RNF213: variants seen among roughly 807,000 people sequenced by gnomAD.
RNF213 encodes E3 ubiquitin-protein ligase RNF213.
Under a neutral mutation model 514.4 loss-of-function variants are expected in RNF213, and 341 were observed. The ratio of observed to expected loss-of-function variants is 0.66; its 90% CI spans 0.61 to 0.73. The LOEUF is 0.73. RNF213 is among the 30% of genes least tolerant of loss of function. The pLI, the probability that RNF213 is intolerant of heterozygous loss-of-function variation, is 0.00. For missense variants in RNF213, 5,767 were observed against 6,615.6 expected (o/e 0.87, Z 4.45); for synonymous variants, 2,655 against 2,658.2 (o/e 1.00, Z 0.04).
chr17:80,305,820 G>A (rs966554197), intron 11 of RNF213, among the ~76,000 whole-genome samples: 13 of 151,522 alleles, frequency 8.6e-5, no homozygotes, highest in African/African-American at 2.7e-4. Flanking sequence ...CAGTTTCACC[G>A]TGTTGGCCAG....
At chr17:80,369,991 G>A (rs989080719) in intron 46 of RNF213, 124 bp downstream of exon 46, 1 of 747,942 alleles carries the variant, frequency 1.3e-6, no homozygotes, top group African/African-American at 1.7e-5. Context: ...AGCTTTTTCG[G>A]TGAGACACAG....
chr17:80,261,428 G>A (rs897802919), intron 1 of RNF213, among the ~76,000 whole-genome samples: 1 of 152,318 alleles, frequency 6.6e-6, no homozygotes, highest in East Asian at 1.9e-4. Context: ...CCGAGCGCGG[G>A]GCTCAAGGCC....
intron 3 of RNF213, among the ~76,000 whole-genome samples, chr17:80,286,167 C>T (rs1286151921): frequency 2.0e-5 from 3 of 151,684 alleles, no homozygotes; most frequent in South Asian, 2.1e-4. Context: ...GTGCTCTCAG[C>T]GGTGTGGTGG....
At position 80,288,451 on chromosome 17, in the gene RNF213, C is replaced by T; in HGVS notation, c.810+88C>T. 4 of 1,598,266 alleles carry T rather than the reference C, an allele frequency of 2.5e-6. No homozygotes were observed. Among genetic ancestry groups the T allele is most frequent in the Non-Finnish European group, 3.4e-6 (4 of 1,172,000 alleles). ...GCAAGGTGCTGGCGTTGCTTCCCTG[C>T]CGGGGGGAGGGGCGTCCTCTGGGCC... On this transcript the variant is annotated intron_variant, in intron 4 of 67. Coordinates refer to ENST00000582970, the MANE Select transcript of RNF213 (RefSeq NM_001256071.3). The surrounding 1 kb of genome is among the most constrained non-coding windows in gnomAD (Gnocchi z 4.9).
intron 11 of RNF213, among the ~76,000 whole-genome samples, chr17:80,301,775 G>C (rs982876925): frequency 6.6e-6 from 1 of 152,158 alleles, no homozygotes; most frequent in Non-Finnish European, 1.5e-5. Context: ...TCCAGCAATC[G>C]TACTGCTGGG....
chr17:80,374,119 G>A (rs1025323070), intron 49 of RNF213, among the ~76,000 whole-genome samples: 9 of 152,056 alleles, frequency 5.9e-5, no homozygotes, highest in Admixed American at 1.3e-4. Flanking sequence ...TAAGAACCCC[G>A]GCACTGTTTG....
chr17:80,272,039 C>T (rs2043841752), intron 2 of RNF213, among the ~76,000 whole-genome samples: 1 of 151,522 alleles, frequency 6.6e-6, no homozygotes. Flanking sequence ...AATCCCAGCA[C>T]TTTGAGAGGG....
intron 14 of RNF213, 146 bp from the exon 15 acceptor site, chr17:80,312,866 C>T (rs2045618101): frequency 2.4e-6 from 2 of 833,730 alleles, no homozygotes; most frequent in Middle Eastern, 3.4e-4. Context: ...GGAATGTGGG[C>T]TTCTGCCAAG....
At chr17:80,284,593 A>C (rs750497230) in intron 3 of RNF213, among the ~76,000 whole-genome samples, 4 of 151,870 alleles carry the variant, frequency 2.6e-5, no homozygotes, top group South Asian at 2.1e-4. Flanking sequence ...TGGAAAGCCC[A>C]GCTCCACCTT....
chr17:80,372,972 C>CA lies in RNF213; in HGVS notation c.12752-2dup. 6.2e-7 allele frequency: 1 copy of CA among 1,613,284 alleles called. No individual in the cohort carries two copies. The highest frequency in any genetic ancestry group is 1.7e-5 in the Admixed American group (1 of 59,914). On this transcript the variant is annotated splice_region_variant and splice_polypyrimidine_tract_variant and intron_variant, in intron 48 of 67. Coordinates refer to ENST00000582970, the MANE Select transcript of RNF213 (RefSeq NM_001256071.3). Reference sequence around the variant, plus strand: ...CTCACCCGCTTTCTCGTTGGCCTCTCAGAGATGGCCAAGGAGAAGCAGTGC... The same window carrying CA: ...CTCACCCGCTTTCTCGTTGGCCTCTCAAGAGATGGCCAAGGAGAAGCAGTGC...
intron 36 of RNF213, among the ~76,000 whole-genome samples, chr17:80,356,189 G>T (rs930563949): frequency 6.6e-6 from 1 of 152,058 alleles, no homozygotes; most frequent in Admixed American, 6.5e-5. Flanking sequence ...TTTAGTAGAG[G>T]CGAGATTTCA....
chr17:80,298,214 C>T lies in RNF213; in HGVS notation c.2013-107C>T, dbSNP rs145021197. On this transcript the variant is annotated intron_variant, in intron 10 of 67. Transcript: ENST00000582970. Reference sequence around the variant, plus strand: ...CTCTGCTCAGCCACGCGCGGTGCTCCTCTTGCTCTGTGTGCACGGTGCTTG... The same window carrying T: ...CTCTGCTCAGCCACGCGCGGTGCTCTTCTTGCTCTGTGTGCACGGTGCTTG... 1.3e-4 allele frequency: 150 copies of T among 1,182,766 alleles called. 1 individual carries two copies. In the African/African-American group the frequency reaches 2.1e-3, roughly 17 times the overall value. The allele number at this position is 1,182,766 out of a possible 1,614,324, so 73.3% of individuals were successfully genotyped here. A position where few individuals can be genotyped will look rare whatever the true frequency, so the allele number is the denominator to read the frequency against.
intron 3 of RNF213, among the ~76,000 whole-genome samples, chr17:80,283,603 C>T (rs917250753): frequency 2.0e-5 from 3 of 152,344 alleles, no homozygotes; most frequent in African/African-American, 7.2e-5. Context: ...CTGGCCACTC[C>T]CCTCCTGCAA....
In RNF213 at chr17:80,374,519, A is replaced by C. The variant is rs369136434; in HGVS notation, c.13004A>C (p.Lys4335Thr). ...TACCTGGTGTACGGCGATGAATACA[A>C]GGCTCTCCGTGATGCTGTGGCCAAA... The part of the protein sequence containing the change: ...DRYLVYGDEY[K>T]ALRDAVAKAV... The change falls in exon 50 of 68, where the codon AAG becomes ACG. Residue 4335 changes from lysine (K) to threonine (T), a missense_variant. By Grantham distance (78) the Lys-to-Thr change is moderately conservative. Transcript: ENST00000582970. The C allele has an allele frequency of 3.3e-5, 53 of 1,614,182 alleles. No homozygotes were observed. The highest frequency in any genetic ancestry group is 3.3e-4 in the Middle Eastern group (2 of 6,062).
At position 80,347,737 on chromosome 17, in the gene RNF213, G is replaced by T. The variant is rs2078361009; in HGVS notation, c.9402G>T (p.Gly3134=). 6.2e-7 allele frequency: 1 copy of T among 1,614,128 alleles called. No individual in the cohort carries two copies. Among genetic ancestry groups the T allele is most frequent in the African/African-American group, 1.3e-5 (1 of 75,062 alleles). ...AGAAGTACGTGGACCTCGGTCTGGG[G>T]ACCCACCGCGTCAAATGTCGGGTTC... ...GGQKYVDLGL[G]THRVKCRVHP... Residue 3134 remains glycine (G), a synonymous_variant, in exon 29 of 68, where the codon GGG becomes GGT. Coordinates refer to ENST00000582970, the MANE Select transcript of RNF213 (RefSeq NM_001256071.3). The surrounding 1 kb of genome is among the most constrained non-coding windows in gnomAD (Gnocchi z 7.2).
chr17:80,281,528 C>CATAT (rs201771673), intron 3 of RNF213, among the ~76,000 whole-genome samples: 7 of 94,972 alleles, frequency 7.4e-5, no homozygotes, highest in Admixed American at 1.0e-4. Flanking sequence ...CACACACATG[C>CATAT]CCCACTCATA....
chr17:80,308,379 C>T (rs1452685186), intron 13 of RNF213, among the ~76,000 whole-genome samples: 2 of 152,062 alleles, frequency 1.3e-5, no homozygotes, highest in African/African-American at 4.8e-5. Flanking sequence ...TTAAGCTCCT[C>T]CTAAGTGTCC....
At chr17:80,305,336 G>A (rs1314647782) in intron 11 of RNF213, among the ~76,000 whole-genome samples, 2 of 149,500 alleles carry the variant, frequency 1.3e-5, no homozygotes, top group African/African-American at 4.9e-5. Context: ...GCGCCACCAC[G>A]CCTGGCTAAT....
chr17:80,265,482 C>T (rs1434939522), intron 2 of RNF213, among the ~76,000 whole-genome samples: 6 of 152,204 alleles, frequency 3.9e-5, no homozygotes, highest in African/African-American at 1.2e-4. Context: ...AATTTGGTGA[C>T]TCTGTACATG....
Sources: gnomAD v4.1 joint callset for allele counts (sites outside exome capture counted in the v4.1 genomes callset) on GRCh38, gnomAD v4.1.1 for gene constraint, Gnocchi (gnomAD v3.1) non-coding constraint, MANE v1.5 for transcripts, NCBI Gene and HGNC (gene_info 2026-07-23, HGNC 2026-07-21) for gene names.